The following AHNAK variants were observed in gnomAD, a reference collection of about 807,000 sequenced individuals.
The protein encoded by AHNAK is AHNAK nucleoprotein, also known as neuroblast differentiation-associated protein AHNAK.
AHNAK carries 23 observed loss-of-function variants against 37.8 expected under a neutral mutation model. The observed-to-expected ratio is 0.61, with a 90% CI of 0.44 to 0.86. The LOEUF (loss-of-function observed/expected upper bound fraction) is 0.86. Among genes scored for constraint, AHNAK ranks in the 40% least tolerant of loss-of-function variants. The pLI, the probability that AHNAK is intolerant of heterozygous loss-of-function variation, is 0.00. For synonymous variants in AHNAK, 2,481 were observed against 2,636.3 expected, an observed-to-expected ratio of 0.94 and a Z score of 1.80; for missense variants, 7,411 against 7,319.4, an observed-to-expected ratio of 1.01 and a Z score of -0.46.
chr11:62,522,813 G>A lies in AHNAK; in HGVS notation c.11604C>T (p.Ile3868=). 3 of 1,613,558 alleles carry A rather than the reference G, an allele frequency of 1.9e-6. No individual in the cohort carries two copies. Among genetic ancestry groups the A allele is most frequent in the Non-Finnish European group, 2.5e-6 (3 of 1,179,910 alleles). ...GPKFKMPEMN[I]KAPKISMPDI... ...CAGGCATGGAGATCTTGGGGGCTTT[G>A]ATGTTCATCTCAGGCATCTTGAATT... The change falls in exon 5 of 5, where the codon ATC becomes ATT. Residue 3868 remains isoleucine (I), a synonymous_variant. Coordinates refer to ENST00000378024, the MANE Select transcript of AHNAK (RefSeq NM_001620.3).
chr11:62,445,802 A>C (rs1383686348), intron 5 of AHNAK, among the ~76,000 whole-genome samples: 1 of 152,106 alleles, frequency 6.6e-6, no homozygotes, highest in Non-Finnish European at 1.5e-5. Flanking sequence ...AAATCACCTG[A>C]GGTTAGGAGT....
rs150337979 is a variant in AHNAK at position 62,524,818 on chromosome 11, G to T, written c.9599C>A (p.Ala3200Glu). 1 of 1,613,962 alleles carries T rather than the reference G, an allele frequency of 6.2e-7. No homozygotes were observed. The highest frequency in any genetic ancestry group is 8.5e-7 in the Non-Finnish European group (1 of 1,179,994). Residue 3200 changes from alanine (A) to glutamate (E), a missense_variant, in exon 5 of 5, where the codon GCG becomes GAG. By Grantham distance (107) the Ala-to-Glu change is moderately radical. Coordinates refer to ENST00000378024, the MANE Select transcript of AHNAK (RefSeq NM_001620.3). ...CTTGAATTTAGGGCCCTTCAGTTTC[G>T]CATCTGGACCTTCAATATTCACATC... Reference protein sequence around the residue: ...VPDVNIEGPDAKLKGPKFKMP... With the variant: ...VPDVNIEGPDEKLKGPKFKMP...
chr11:62,511,331 C>T (rs1337974594), downstream of AHNAK, among the ~76,000 whole-genome samples: 3 of 152,064 alleles, frequency 2.0e-5, no homozygotes, highest in African/African-American at 7.2e-5. Context: ...CAGCTCACTG[C>T]AGCCTCTGTC....
At position 62,522,119 on chromosome 11, in the gene AHNAK, T is replaced by G. The variant is rs750514327; in HGVS notation, c.12298A>C (p.Thr4100Pro). 8.1e-6 allele frequency: 13 copies of G among 1,609,976 alleles called. No homozygotes were observed. Among genetic ancestry groups the G allele is most frequent in the Admixed American group, 5.0e-5 (3 of 59,588 alleles). Residue 4100 changes from threonine (T) to proline (P), a missense_variant, in exon 5 of 5, where the codon ACT becomes CCT. Coordinates refer to ENST00000378024, the MANE Select transcript of AHNAK (RefSeq NM_001620.3). The stretch of plus-strand genomic sequence containing the variant: ...GGACCATGAATATCAATATCAGGAG[T>G]GTCAATGTCCACTTTGGGTCCTGAG... The part of the protein sequence containing the change: ...DVSGPKVDID[T>P]PDIDIHGPEG...
chr11:62,437,818 G>A (rs1938209789), intron 5 of AHNAK, among the ~76,000 whole-genome samples: 1 of 152,210 alleles, frequency 6.6e-6, no homozygotes, highest in Admixed American at 6.5e-5. Flanking sequence ...CATATTCTCA[G>A]CAACACTTGG....
intron 4 of AHNAK, among the ~76,000 whole-genome samples, chr11:62,498,210 C>G (rs1003881221): frequency 6.6e-6 from 1 of 151,986 alleles, no homozygotes; most frequent in Non-Finnish European, 1.5e-5. Flanking sequence ...GTTGCTAACC[C>G]ACAAAACTCT....
Position 62,534,000 on chromosome 11 carries a change from C to A in AHNAK, c.417G>T (p.Val139=). Residue 139 remains valine (V), a synonymous_variant, in exon 5 of 5, where the codon GTG becomes GTT. Transcript: ENST00000378024. Reference sequence around the variant, plus strand: ...TCTGGGTCTCCCCGAGGTCTCCTTCCACTCCATCTTCCGACTTCAGCCGTG... The same window carrying A: ...TCTGGGTCTCCCCGAGGTCTCCTTCAACTCCATCTTCCGACTTCAGCCGTG... ...IKPRLKSEDG[V]EGDLGETQSR... The A allele has an allele frequency of 6.2e-7, 1 of 1,600,276 alleles. No homozygotes were observed. The highest frequency in any genetic ancestry group is 1.1e-5 in the South Asian group (1 of 89,164).
intron 2 of AHNAK, 63 bp from the exon 3 acceptor site, chr11:62,536,161 A>G: frequency 6.7e-7 from 1 of 1,486,510 alleles, no homozygotes; most frequent in South Asian, 1.4e-5. Context: ...AGGGCATGGG[A>G]AAGCTAGCAA....
Position 62,529,775 on chromosome 11 carries a change from T to C in AHNAK, c.4642A>G (p.Ile1548Val), listed in dbSNP as rs771266349. The C allele has an allele frequency of 3.1e-6, 5 of 1,614,168 alleles. No homozygotes were observed. The highest frequency in any genetic ancestry group is 4.2e-6 in the Non-Finnish European group (5 of 1,180,022). The change falls in exon 5 of 5, where the codon ATT becomes GTT. Residue 1548 changes from isoleucine to valine, a missense_variant. Physicochemically the swap from Ile to Val is conservative, Grantham distance 29. Coordinates refer to ENST00000378024, the MANE Select transcript of AHNAK (RefSeq NM_001620.3). The stretch of plus-strand genomic sequence containing the variant: ...TCAAGATTCACATCTGGAACATCAA[T>C]GTCCACCTTGGGTCCTGAAACACCA... ...DLGVSGPKVDIDVPDVNLEAP... is the reference protein window; with the variant it reads ...DLGVSGPKVDVDVPDVNLEAP...
chr11:62,444,477 C>T (rs1938381744), intron 5 of AHNAK, among the ~76,000 whole-genome samples: 2 of 152,274 alleles, frequency 1.3e-5, no homozygotes, highest in East Asian at 3.8e-4. Context: ...TGCTTTCTCT[C>T]AGCTCTGTCT....
At position 62,518,226 on chromosome 11, in the gene AHNAK, G is replaced by A. The variant is rs763437094; in HGVS notation, c.16191C>T (p.Ser5397=). ...TTTTGGGAAGTTTAATGCTGCCTTC[G>A]GATGCCTCCAAGCTTAGATCAGGAG... ...VGAPDLSLEA[S]EGSIKLPKMK... The change falls in exon 5 of 5, where the codon TCC becomes TCT. Residue 5397 remains serine, a synonymous_variant. Transcript: ENST00000378024. 20 of 1,613,944 alleles carry A rather than the reference G, an allele frequency of 1.2e-5. No homozygotes were observed. The highest frequency in any genetic ancestry group is 4.5e-5 in the East Asian group (2 of 44,888).
chr11:62,459,904 C>T (rs1938748012), intron 5 of AHNAK, among the ~76,000 whole-genome samples: 3 of 152,224 alleles, frequency 2.0e-5, no homozygotes, highest in South Asian at 4.1e-4. Context: ...CTTTGGGAGG[C>T]GGAGGCGGGC....
At position 62,536,022 on chromosome 11, in the gene AHNAK, G is replaced by A. The variant is rs1482906549; in HGVS notation, c.77C>T (p.Ala26Val). Reference protein sequence around the residue: ...QGSGSHGLTIAQRDDGVFVQE... With the variant: ...QGSGSHGLTIVQRDDGVFVQE... Reference sequence around the variant, plus strand: ...CACAAAGACGCCGTCGTCCCTCTGGGCGATGGTCAGCCCGTGGGAGCCACT... The same window carrying A: ...CACAAAGACGCCGTCGTCCCTCTGGACGATGGTCAGCCCGTGGGAGCCACT... Residue 26 changes from alanine (A) to valine (V), a missense_variant, in exon 3 of 5, where the codon GCC becomes GTC. Transcript: ENST00000378024. 1.9e-6 allele frequency: 3 copies of A among 1,612,640 alleles called. No homozygotes were observed. The highest frequency in any genetic ancestry group is 2.5e-6 in the Non-Finnish European group (3 of 1,179,286).
chr11:62,492,078 G>A (rs1590626984), intron 4 of AHNAK, among the ~76,000 whole-genome samples: 1 of 152,026 alleles, frequency 6.6e-6, no homozygotes, highest in South Asian at 2.1e-4. Context: ...GAAAGCCCGG[G>A]GAATCTCACA....
At chr11:62,513,542 A>T (rs1165446937), downstream of AHNAK, among the ~76,000 whole-genome samples, 7 of 122,450 alleles carry the variant, frequency 5.7e-5, no homozygotes, top group Non-Finnish European at 1.1e-4. Context: ...TCTCAAAAAT[A>T]AAAAAAAAAA....
intron 5 of AHNAK, among the ~76,000 whole-genome samples, chr11:62,471,591 A>C (rs778355497): frequency 6.6e-6 from 1 of 152,216 alleles, no homozygotes; most frequent in Non-Finnish European, 1.5e-5. Context: ...CACTCAAAAA[A>C]GTTTGGGTTT....
At chr11:62,491,764 G>A (rs1382336139) in exon 5 of AHNAK, 3 of 1,612,786 alleles carry the variant, frequency 1.9e-6, no homozygotes, top group Non-Finnish European at 2.5e-6. Flanking sequence ...AACTGCCCCG[G>A]CTTGGCTGCT....
intron 5 of AHNAK, among the ~76,000 whole-genome samples, chr11:62,434,140 A>G (rs1938109577): frequency 6.6e-6 from 1 of 152,172 alleles, no homozygotes. Flanking sequence ...GGAAGCTTGC[A>G]TAAAGCCCGA....
At chr11:62,471,779 G>A (rs547949632) in intron 5 of AHNAK, among the ~76,000 whole-genome samples, 58 of 152,290 alleles carry the variant, frequency 3.8e-4, no homozygotes, top group Admixed American at 1.8e-3. Flanking sequence ...GAGACTGGCC[G>A]GGATGCGGGT....
Sources: allele counts gnomAD v4.1 joint callset (sites outside exome capture counted in the v4.1 genomes callset), GRCh38; gene constraint gnomAD v4.1.1; transcripts MANE v1.5; gene names NCBI Gene and HGNC (gene_info 2026-07-23, HGNC 2026-07-21).